Variants in PITPNM2 observed in about 807,000 individuals in gnomAD.
PITPNM2 encodes the protein membrane-associated phosphatidylinositol transfer protein 2.
In PITPNM2, 35 loss-of-function variants were observed where a neutral mutation model predicts 132.2. The ratio of observed to expected loss-of-function variants is 0.26; its 90% CI spans 0.20 to 0.35. PITPNM2 has a LOEUF of 0.35. Ranked by LOEUF, PITPNM2 falls within the 10% of genes least tolerant of loss-of-function variation. The pLI is 1.00. For synonymous variants in PITPNM2, 738 were observed against 799.2 expected, an observed-to-expected ratio of 0.92 and a Z score of 1.29; for missense variants, 1,332 against 1,912.0, an observed-to-expected ratio of 0.70 and a Z score of 5.66.
chr12:123,067,895 G>A (rs1472319640), intron 2 of PITPNM2, among the ~76,000 whole-genome samples: 4 of 152,190 alleles, frequency 2.6e-5, no homozygotes, highest in Admixed American at 6.5e-5. Flanking sequence ...TCTCTTGGCT[G>A]GAAGGGTGAC....
chr12:123,024,273 G>GC (rs1345933230), intron 3 of PITPNM2, among the ~76,000 whole-genome samples: 1 of 152,188 alleles, frequency 6.6e-6, no homozygotes, highest in Non-Finnish European at 1.5e-5. Context: ...ACACACAGCA[G>GC]CAAGTGTTGT....
At chr12:123,035,428 G>T (rs2040231591) in intron 2 of PITPNM2, among the ~76,000 whole-genome samples, 1 of 152,212 alleles carries the variant, frequency 6.6e-6, no homozygotes, top group South Asian at 2.1e-4. Context: ...CACTTTGGGA[G>T]GCCAAGGTAG....
chr12:123,069,423 G>A (rs2041553479), intron 2 of PITPNM2, among the ~76,000 whole-genome samples: 1 of 152,162 alleles, frequency 6.6e-6, no homozygotes, highest in Non-Finnish European at 1.5e-5. Context: ...CCTGCAGACA[G>A]ATGGAGAGAC....
chr12:122,986,429 C>T lies in PITPNM2; in HGVS notation c.3726+7G>A. Reference sequence around the variant, plus strand: ...CCTGCACCCGCCCCCACAATGCGCCCACTCACCTGGCACTGCTGCTGCAGC... The same window carrying T: ...CCTGCACCCGCCCCCACAATGCGCCTACTCACCTGGCACTGCTGCTGCAGC... On this transcript the variant is annotated splice_region_variant and intron_variant, in intron 25 of 25. Transcript: ENST00000320201. The T allele has an allele frequency of 6.4e-7, 1 of 1,568,378 alleles. No homozygotes were observed. The highest frequency in any genetic ancestry group is 2.3e-5 in the East Asian group (1 of 42,556).
intron 5 of PITPNM2, among the ~76,000 whole-genome samples, chr12:123,011,368 G>C (rs1044092579): frequency 6.6e-6 from 1 of 152,168 alleles, no homozygotes; most frequent in African/African-American, 2.4e-5. Context: ...CATATGCCCT[G>C]CCCATGTGAG....
chr12:122,997,516 C>T lies in PITPNM2; in HGVS notation c.1281G>A (p.Leu427=). ...APPSKIHVLL[L]VLHGGTILDT... ...CCAGGATGGTGCCTCCGTGCAGCAC[C>T]AGTAGCAGCACGTGGATCTTGGAGG... Residue 427 remains leucine (L), a synonymous_variant, in exon 11 of 26, where the codon CTG becomes CTA. Transcript: ENST00000320201. The T allele has an allele frequency of 6.2e-7, 1 of 1,613,392 alleles. No individual in the cohort carries two copies. Among genetic ancestry groups the T allele is most frequent in the Non-Finnish European group, 8.5e-7 (1 of 1,179,952 alleles).
At chr12:123,104,886 C>A (rs188117620) in intron 2 of PITPNM2, among the ~76,000 whole-genome samples, 95 of 152,256 alleles carry the variant, frequency 6.2e-4, no homozygotes, top group Middle Eastern at 3.4e-3. Context: ...TAGCCAGAAA[C>A]CATCCTTTTA....
At chr12:123,021,215 C>T (rs757954077) in intron 3 of PITPNM2, among the ~76,000 whole-genome samples, 4 of 152,174 alleles carry the variant, frequency 2.6e-5, no homozygotes, top group Non-Finnish European at 5.9e-5. Context: ...CAAACATGTC[C>T]TGTGCTCAAA....
intron 2 of PITPNM2, among the ~76,000 whole-genome samples, chr12:123,061,166 T>C (rs971102130): frequency 6.6e-6 from 1 of 152,148 alleles, no homozygotes; most frequent in Non-Finnish European, 1.5e-5. Context: ...CCAAAGGTCT[T>C]CACAACGGGT....
chr12:123,049,514 G>C (rs1022936172), intron 2 of PITPNM2, among the ~76,000 whole-genome samples: 11 of 152,114 alleles, frequency 7.2e-5, no homozygotes, highest in Admixed American at 5.9e-4. Context: ...CTGCTGCCAT[G>C]CCCAGGAAGC....
At chr12:122,996,619 C>G (rs554668383) in intron 12 of PITPNM2, 42 bp from the exon 13 acceptor site, 2 of 1,612,402 alleles carry the variant, frequency 1.2e-6, no homozygotes, top group Middle Eastern at 3.3e-4. Flanking sequence ...TTCACCCGCT[C>G]GCTGGACTAT....
At chr12:123,002,535 C>T (rs926659626) in intron 8 of PITPNM2, among the ~76,000 whole-genome samples, 10 of 152,240 alleles carry the variant, frequency 6.6e-5, no homozygotes, top group African/African-American at 2.2e-4. Context: ...ATCTCAGCCT[C>T]CCGAGTAGCT....
At chr12:123,070,579 C>A (rs748877368) in intron 2 of PITPNM2, among the ~76,000 whole-genome samples, 2 of 152,222 alleles carry the variant, frequency 1.3e-5, no homozygotes, top group Non-Finnish European at 2.9e-5. Context: ...CGATGTCCCC[C>A]CTCCCAGCTC....
At chr12:123,124,910 G>A (rs544559037) in intron 1 of PITPNM2, among the ~76,000 whole-genome samples, 65 of 152,092 alleles carry the variant, frequency 4.3e-4, no homozygotes, top group Non-Finnish European at 8.2e-4. Flanking sequence ...TTAGAATCTT[G>A]CTAATGTCTG....
intron 3 of PITPNM2, among the ~76,000 whole-genome samples, chr12:123,032,621 G>A (rs2040133591): frequency 1.3e-5 from 2 of 152,218 alleles, no homozygotes; most frequent in Non-Finnish European, 2.9e-5. Flanking sequence ...CAGCCACCGG[G>A]AGGCCAGGTG....
chr12:123,134,784 C>T (rs997455491), intron 1 of PITPNM2, among the ~76,000 whole-genome samples: 1 of 152,112 alleles, frequency 6.6e-6, no homozygotes, highest in Non-Finnish European at 1.5e-5. Context: ...AAGCTCAGGG[C>T]CAGGTGGCCT....
At chr12:122,996,633 C>T in intron 12 of PITPNM2, 56 bp from the exon 13 acceptor site, 2 of 1,611,720 alleles carry the variant, frequency 1.2e-6, no homozygotes, top group Non-Finnish European at 1.7e-6. Context: ...GGACTATAGG[C>T]TGGGGAGGCC....
chr12:123,121,293 G>C (rs1478184731), intron 1 of PITPNM2, among the ~76,000 whole-genome samples: 2 of 152,248 alleles, frequency 1.3e-5, no homozygotes, highest in African/African-American at 4.8e-5. Flanking sequence ...AGGATCTCTT[G>C]AACTCAGGAG....
chr12:123,149,049 A>T (rs1274106816), intron 1 of PITPNM2, among the ~76,000 whole-genome samples: 6 of 152,182 alleles, frequency 3.9e-5, no homozygotes, highest in Admixed American at 3.9e-4. Context: ...CCCAGATCCC[A>T]GGGGGCCTTA....
Sources: allele counts gnomAD v4.1 joint callset (sites outside exome capture counted in the v4.1 genomes callset), GRCh38; gene constraint gnomAD v4.1.1; transcripts MANE v1.5; gene names NCBI Gene and HGNC (gene_info 2026-07-23, HGNC 2026-07-21).